Variants in SH3BGRL observed in about 807,000 individuals in gnomAD.
The protein encoded by SH3BGRL is adapter SH3BGRL.
Under a neutral mutation model 9.8 loss-of-function variants are expected in SH3BGRL, and 7 were observed. That is an observed-to-expected ratio of 0.72 (90% CI 0.41 to 1.35). The LOEUF (loss-of-function observed/expected upper bound fraction) is 1.35, where lower values mean the gene tolerates loss of function less well. Ranked by LOEUF, SH3BGRL falls within the 40% of genes most tolerant of loss-of-function variation. The pLI, the probability that SH3BGRL is intolerant of heterozygous loss-of-function variation, is 0.01. For synonymous variants in SH3BGRL, 36 were observed against 29.1 expected (o/e 1.24, Z -0.76); for missense variants, 73 against 84.4 (o/e 0.86, Z 0.53).
chrX:81,241,909 G>A (rs1028119261), intron 1 of SH3BGRL, among the ~76,000 whole-genome samples: 13 of 112,309 alleles, frequency 1.2e-4, no homozygotes, highest in South Asian at 3.7e-4. Context: ...CTGCCTGCCC[G>A]ACAGCAGAAG....
chrX:81,260,502 C>G (rs1370599263), intron 1 of SH3BGRL, among the ~76,000 whole-genome samples: 2 of 111,162 alleles, frequency 1.8e-5, no homozygotes, highest in Non-Finnish European at 3.8e-5. Flanking sequence ...ACAATTATAT[C>G]TGCAATACAG....
Position 81,269,831 on chromosome X carries a change from C to G in SH3BGRL, c.46-7153C>G, listed in dbSNP as rs777336402. Reference sequence around the variant, plus strand: ...GAGTGTTTTCCAACTTGTTTCCACTCTCCCCATCACTTTCAGGTACACCAA... The same window carrying G: ...GAGTGTTTTCCAACTTGTTTCCACTGTCCCCATCACTTTCAGGTACACCAA... On this transcript the variant is annotated intron_variant, in intron 1 of 3. Coordinates refer to ENST00000373212, the MANE Select transcript of SH3BGRL (RefSeq NM_003022.3). Among the ~76,000 whole-genome samples the G allele has an allele frequency of 2.7e-5, 3 of 111,717 alleles. No homozygotes were observed. In the Admixed American group the frequency reaches 2.8e-4, roughly 11 times the overall value.
chrX:81,288,104 A>AT (rs905214132), intron 3 of SH3BGRL, among the ~76,000 whole-genome samples: 7 of 111,512 alleles, frequency 6.3e-5, no homozygotes, highest in Non-Finnish European at 1.1e-4. Flanking sequence ...CCAAGTGAGA[A>AT]TTTTTTCTGG....
intron 3 of SH3BGRL, among the ~76,000 whole-genome samples, chrX:81,286,812 G>T (rs2075836192): frequency 9.0e-6 from 1 of 111,196 alleles, no homozygotes; most frequent in Non-Finnish European, 1.9e-5. Context: ...TGCTCTTAAA[G>T]CTCTCTGTTT....
chrX:81,284,255 A>T (rs886100846), intron 3 of SH3BGRL, among the ~76,000 whole-genome samples: 1 of 111,231 alleles, frequency 9.0e-6, no homozygotes, highest in Non-Finnish European at 1.9e-5. Context: ...CAATCTACAA[A>T]TTCAATGCAA....
intron 1 of SH3BGRL, 142 bp from the exon 2 acceptor site, chrX:81,276,842 A>G (rs1234164619): frequency 2.7e-5 from 13 of 479,249 alleles, no homozygotes; most frequent in Non-Finnish European, 4.1e-5. Flanking sequence ...GGCATTATTA[A>G]CAATACAATA....
At chrX:81,225,491 A>G (rs2075614024) in intron 1 of SH3BGRL, among the ~76,000 whole-genome samples, 1 of 111,151 alleles carries the variant, frequency 9.0e-6, no homozygotes, top group South Asian at 3.8e-4. Flanking sequence ...GCTCTCATGT[A>G]TAAGTGGGAA....
At chrX:81,237,304 T>A (rs1445101145) in intron 1 of SH3BGRL, 4 of 327,804 alleles carry the variant, frequency 1.2e-5, no homozygotes, top group Admixed American at 9.4e-5. Flanking sequence ...GTACCTGGTT[T>A]TAACATCATA....
intron 1 of SH3BGRL, among the ~76,000 whole-genome samples, chrX:81,271,066 G>A (rs923039050): frequency 1.8e-5 from 2 of 112,314 alleles, no homozygotes; most frequent in Admixed American, 9.4e-5. Context: ...GGCATGGGAG[G>A]GGATCTCCTG....
intron 3 of SH3BGRL, among the ~76,000 whole-genome samples, chrX:81,294,973 A>G (rs1033451782): frequency 3.6e-5 from 4 of 111,693 alleles, no homozygotes; most frequent in East Asian, 2.8e-4. Context: ...GTTTTGGCCA[A>G]TTTCTCCCAT....
At chrX:81,248,066 C>T (rs1345719088) in intron 1 of SH3BGRL, among the ~76,000 whole-genome samples, 1 of 109,917 alleles carries the variant, frequency 9.1e-6, no homozygotes, top group Non-Finnish European at 1.9e-5. Flanking sequence ...ATATTTATAT[C>T]TTCTAGATTT....
At chrX:81,264,572 T>C (rs1430659356) in intron 1 of SH3BGRL, among the ~76,000 whole-genome samples, 4 of 111,565 alleles carry the variant, frequency 3.6e-5, no homozygotes, top group Non-Finnish European at 5.7e-5. Flanking sequence ...TTGGGAGGCT[T>C]TTCCTATTCC....
rs770048981 is a variant in SH3BGRL, at chrX:81,292,520, C to T, written c.313-4675C>T. On this transcript the variant is annotated intron_variant, in intron 3 of 3. Coordinates refer to ENST00000373212, the MANE Select transcript of SH3BGRL (RefSeq NM_003022.3). Reference sequence around the variant, plus strand: ...TGATGGCAGGGGCTGCCATAAAGGCCTCTGAAATGCCCTGGAGGCATTTTC... The same window carrying T: ...TGATGGCAGGGGCTGCCATAAAGGCTTCTGAAATGCCCTGGAGGCATTTTC... Among the ~76,000 whole-genome samples the T allele has an allele frequency of 4.5e-5, 5 of 112,232 alleles. No individual in the cohort carries two copies. The East Asian group carries it at 1.4e-3, about 32-fold the overall frequency.
intron 1 of SH3BGRL, among the ~76,000 whole-genome samples, chrX:81,260,228 C>T (rs764962072): frequency 4.5e-5 from 5 of 111,197 alleles, no homozygotes; most frequent in Non-Finnish European, 9.4e-5. Context: ...CATTGTAGTG[C>T]GTGATTTTGT....
At chrX:81,217,571 T>A (rs1294322171) in intron 1 of SH3BGRL, among the ~76,000 whole-genome samples, 8 of 111,676 alleles carry the variant, frequency 7.2e-5, no homozygotes, top group Non-Finnish European at 9.4e-5. Context: ...TGAGGGTTCC[T>A]TTTAGAGTGA....
At chrX:81,225,032 A>T (rs958953581) in intron 1 of SH3BGRL, among the ~76,000 whole-genome samples, 2 of 111,050 alleles carry the variant, frequency 1.8e-5, no homozygotes, top group African/African-American at 6.5e-5. Flanking sequence ...TGAAACAAAG[A>T]TGGCTTTCTC....
intron 1 of SH3BGRL, among the ~76,000 whole-genome samples, chrX:81,221,722 A>C (rs971295304): frequency 1.8e-5 from 2 of 111,987 alleles, no homozygotes; most frequent in Admixed American, 1.9e-4. Flanking sequence ...ATGGCTTTCC[A>C]CATTTTATAA....
At chrX:81,216,161 C>T (rs1207506230) in intron 1 of SH3BGRL, among the ~76,000 whole-genome samples, 1 of 111,774 alleles carries the variant, frequency 8.9e-6, no homozygotes, top group Non-Finnish European at 1.9e-5. Flanking sequence ...GTTTGTCACT[C>T]TTCCTGCTCT....
chrX:81,229,713 G>C (rs185699782), intron 1 of SH3BGRL, among the ~76,000 whole-genome samples: 16 of 111,935 alleles, frequency 1.4e-4, no homozygotes, highest in African/African-American at 5.2e-4. Flanking sequence ...AGCTGCTTGT[G>C]TGTTCTTCCA....
Sources: gnomAD v4.1 joint callset for allele counts (sites outside exome capture counted in the v4.1 genomes callset) on GRCh38, gnomAD v4.1.1 for gene constraint, MANE v1.5 for transcripts, NCBI Gene and HGNC (gene_info 2026-07-23, HGNC 2026-07-21) for gene names.